The following USP10 variants were observed in gnomAD, a reference collection of about 807,000 sequenced individuals.
USP10 encodes ubiquitin carboxyl-terminal hydrolase 10.
A neutral mutation model predicts 84.5 loss-of-function variants in USP10; 22 were observed. That is an observed-to-expected ratio of 0.26 (90% CI 0.19 to 0.37). The LOEUF (loss-of-function observed/expected upper bound fraction) is 0.37, where lower values mean the gene tolerates loss of function less well. USP10 is among the 10% of genes least tolerant of loss of function. USP10 has a pLI of 1.00. For synonymous variants in USP10, 454 were observed against 387.6 expected (o/e 1.17, Z -2.01); for missense variants, 1,019 against 998.9 (o/e 1.02, Z -0.27).
At chr16:84,752,995 C>T (rs1169863058) in intron 4 of USP10, among the ~76,000 whole-genome samples, 1 of 151,724 alleles carries the variant, frequency 6.6e-6, no homozygotes, top group Non-Finnish European at 1.5e-5. Flanking sequence ...GAAACAGGGT[C>T]TTGCTCATTC....
chr16:84,726,524 G>C (rs1567604335), intron 1 of USP10, among the ~76,000 whole-genome samples: 1 of 152,246 alleles, frequency 6.6e-6, no homozygotes, highest in Non-Finnish European at 1.5e-5. Context: ...AACTGAGCCA[G>C]CTTAGCCAAC....
At chr16:84,706,569 C>T (rs914995630) in intron 1 of USP10, among the ~76,000 whole-genome samples, 2 of 149,870 alleles carry the variant, frequency 1.3e-5, no homozygotes, top group South Asian at 2.1e-4. Flanking sequence ...GAGACGAAGT[C>T]TTCCTCTGTC....
At chr16:84,769,515 C>T (rs368768028) in intron 11 of USP10, among the ~76,000 whole-genome samples, 35 of 152,188 alleles carry the variant, frequency 2.3e-4, no homozygotes, top group African/African-American at 7.7e-4. Flanking sequence ...CGGTGGACCT[C>T]GTGGAAGAGA....
intron 1 of USP10, among the ~76,000 whole-genome samples, chr16:84,720,499 A>G (rs2150777401): frequency 6.6e-6 from 1 of 151,544 alleles, no homozygotes; most frequent in Admixed American, 6.6e-5. Context: ...GAAGTGACTG[A>G]GTAATGATGG....
chr16:84,769,499 G>A (rs1914202835), intron 11 of USP10, among the ~76,000 whole-genome samples: 1 of 152,340 alleles, frequency 6.6e-6, no homozygotes, highest in African/African-American at 2.4e-5. Flanking sequence ...GCTAAGAAGA[G>A]TCTGGCGGTG....
At chr16:84,741,625 C>T (rs1011178625) in intron 3 of USP10, among the ~76,000 whole-genome samples, 1 of 152,208 alleles carries the variant, frequency 6.6e-6, no homozygotes, top group African/African-American at 2.4e-5. Context: ...GTGACTGCTT[C>T]TTGGCCCTTT....
At chr16:84,738,012 T>G (rs1910154882) in intron 2 of USP10, among the ~76,000 whole-genome samples, 1 of 152,216 alleles carries the variant, frequency 6.6e-6, no homozygotes. Flanking sequence ...GGCTGGGAGT[T>G]GAGTGAGTGT....
rs1912920654 is a variant in USP10, at chr16:84,759,223, C to G, written c.1285-140C>G. On this transcript the variant is annotated intron_variant, in intron 5 of 13. Transcript: ENST00000219473. ...ACCCTAGTAACTATTTGGTTTATTCCTTTTCGTGGTGACATATCTAAGTAG... is the reference window on the plus strand; with the variant it reads ...ACCCTAGTAACTATTTGGTTTATTCGTTTTCGTGGTGACATATCTAAGTAG... 4 of 752,544 alleles carry G rather than the reference C, an allele frequency of 5.3e-6. No homozygotes were observed. The East Asian group carries it at 1.1e-4, about 20-fold the overall frequency. 46.6% of individuals were successfully genotyped at this position (752,544 alleles called of 1,614,324 possible). A position where few individuals can be genotyped will look rare whatever the true frequency, so the allele number is the denominator to read the frequency against.
intron 1 of USP10, among the ~76,000 whole-genome samples, chr16:84,710,701 G>A (rs971422350): frequency 6.6e-6 from 1 of 152,056 alleles, no homozygotes; most frequent in Non-Finnish European, 1.5e-5. Context: ...TAGAAATTTG[G>A]AATCATTGGA....
rs1911054439 is a variant in USP10, at chr16:84,745,110, A to G, written c.629A>G (p.Asn210Ser). The G allele has an allele frequency of 6.2e-7, 1 of 1,613,532 alleles. No individual in the cohort carries two copies. Among genetic ancestry groups the G allele is most frequent in the Non-Finnish European group, 8.5e-7 (1 of 1,179,618 alleles). Residue 210 changes from asparagine (N) to serine (S), a missense_variant, in exon 4 of 14, where the codon AAC becomes AGC. Around this residue, in one of 2 missense-constraint regions of USP10, gnomAD observed 787 missense variants for 708.8 expected, o/e 1.11. Coordinates refer to ENST00000219473, the MANE Select transcript of USP10 (RefSeq NM_005153.3). ...MPPSVTPRTC[N>S]SPQNSTDSVS... ...CCGTCAGTTACGCCCAGGACTTGTA[A>G]CAGCCCCCAGAACTCCACAGACTCT...
At chr16:84,707,921 T>C (rs1385667804) in intron 1 of USP10, among the ~76,000 whole-genome samples, 1 of 151,534 alleles carries the variant, frequency 6.6e-6, no homozygotes, top group Non-Finnish European at 1.5e-5. Flanking sequence ...TCTACAAAAA[T>C]ACAAAAATTC....
intron 2 of USP10, among the ~76,000 whole-genome samples, chr16:84,734,363 C>G (rs1247983045): frequency 2.0e-5 from 3 of 152,174 alleles, no homozygotes; most frequent in Non-Finnish European, 2.9e-5. Flanking sequence ...ATTTACATCT[C>G]CCAGATTACA....
intron 3 of USP10, among the ~76,000 whole-genome samples, chr16:84,742,745 A>G (rs1452950888): frequency 6.6e-6 from 1 of 152,222 alleles, no homozygotes; most frequent in Non-Finnish European, 1.5e-5. Context: ...GTGTTCCTCC[A>G]TAAGAAGAGG....
In USP10 at chr16:84,744,572, A is replaced by T. The variant is rs1318822771; in HGVS notation, c.152-61A>T. The stretch of plus-strand genomic sequence containing the variant: ...TTTATTTTCAAAGAGAAAGTGAGTA[A>T]TTACTGGTACTTAGAGTTTGTAGAA... On this transcript the variant is annotated intron_variant, in intron 3 of 13. Transcript: ENST00000219473. The T allele has an allele frequency of 3.5e-6, 5 of 1,421,140 alleles. No homozygotes were observed. In the South Asian group the frequency reaches 7.4e-5, roughly 21 times the overall value. 88.0% of individuals were successfully genotyped at this position (1,421,140 alleles called of 1,614,324 possible). A position where few individuals can be genotyped will look rare whatever the true frequency, so the allele number is the denominator to read the frequency against.
chr16:84,763,397 A>G (rs1050361587), intron 9 of USP10, among the ~76,000 whole-genome samples: 8 of 152,222 alleles, frequency 5.3e-5, no homozygotes, highest in African/African-American at 1.7e-4. Context: ...TTCTGATGCT[A>G]TACACACACT....
chr16:84,723,451 A>C (rs1194784233), intron 1 of USP10, among the ~76,000 whole-genome samples: 1 of 152,244 alleles, frequency 6.6e-6, no homozygotes, highest in East Asian at 1.9e-4. Flanking sequence ...TGATAATAAA[A>C]ACATGAGAAT....
intron 1 of USP10, among the ~76,000 whole-genome samples, chr16:84,721,783 C>T (rs777778676): frequency 6.6e-6 from 1 of 152,156 alleles, no homozygotes; most frequent in Non-Finnish European, 1.5e-5. Flanking sequence ...CTGCAACCTC[C>T]GCCTCCCGGG....
intron 4 of USP10, among the ~76,000 whole-genome samples, chr16:84,756,031 A>G (rs1051645243): frequency 5.3e-5 from 8 of 151,948 alleles, no homozygotes; most frequent in Admixed American, 4.6e-4. Context: ...GGTGGCTTCA[A>G]CCCCTGACCT....
Position 84,745,543 on chromosome 16 carries a change from C to T in USP10, c.1062C>T (p.Ser354=), listed in dbSNP as rs776073506. ...SLFHDSKPSS[S]SPVAYVETKY... ...TTCATGATTCTAAGCCCTCTTCCTCCTCGCCGGTGGCCTATGTGGAAACTA... is the reference window on the plus strand; with the variant it reads ...TTCATGATTCTAAGCCCTCTTCCTCTTCGCCGGTGGCCTATGTGGAAACTA... Residue 354 remains serine (S), a synonymous_variant, in exon 4 of 14, where the codon TCC becomes TCT. Coordinates refer to ENST00000219473, the MANE Select transcript of USP10 (RefSeq NM_005153.3). 3 of 1,612,764 alleles carry T rather than the reference C, an allele frequency of 1.9e-6. No homozygotes were observed. Among genetic ancestry groups the T allele is most frequent in the South Asian group, 2.2e-5 (2 of 90,788 alleles).
Sources: allele counts gnomAD v4.1 joint callset (sites outside exome capture counted in the v4.1 genomes callset), GRCh38; gene constraint gnomAD v4.1.1; regional missense constraint gnomAD v4.1.1; transcripts MANE v1.5; gene names NCBI Gene and HGNC (gene_info 2026-07-23, HGNC 2026-07-21).